Variants in GALNT10 observed in about 807,000 individuals in gnomAD.
GALNT10 encodes GalNAc transferase 10.
GALNT10 carries 41 observed loss-of-function variants against 75.0 expected under a neutral mutation model. The observed-to-expected ratio is 0.55, with a 90% CI of 0.43 to 0.71. The LOEUF (loss-of-function observed/expected upper bound fraction) is 0.71. Among genes scored for constraint, GALNT10 ranks in the 30% least tolerant of loss-of-function variants. The pLI, the probability that GALNT10 is intolerant of heterozygous loss-of-function variation, is 0.00. For missense variants in GALNT10, 727 were observed against 818.5 expected (o/e 0.89, Z 1.36); for synonymous variants, 302 against 313.0 (o/e 0.96, Z 0.37).
intron 4 of GALNT10, among the ~76,000 whole-genome samples, chr5:154,336,304 A>C (rs956858285): frequency 6.6e-6 from 1 of 152,228 alleles, no homozygotes; most frequent in African/African-American, 2.4e-5. Context: ...ATTTGTGTAC[A>C]GGATTTTGTG....
intron 1 of GALNT10, among the ~76,000 whole-genome samples, chr5:154,278,910 T>A (rs1299972461): frequency 1.3e-5 from 2 of 152,232 alleles, no homozygotes; most frequent in African/African-American, 4.8e-5. Flanking sequence ...ATATTCCATT[T>A]TATATATATG....
chr5:154,263,805 T>G (rs935363414), intron 1 of GALNT10, among the ~76,000 whole-genome samples: 2 of 152,112 alleles, frequency 1.3e-5, no homozygotes, highest in Non-Finnish European at 2.9e-5. Context: ...CCTAATACCA[T>G]TACCTTTGGA....
chr5:154,225,364 ATTACAGGCGTGAGCC>A (rs1753046184), intron 1 of GALNT10, among the ~76,000 whole-genome samples: 1 of 148,026 alleles, frequency 6.8e-6, no homozygotes, highest in South Asian at 2.1e-4. Flanking sequence ...AGTGCTGGGG[ATTACAGGCGTGAGCC>A]ACTGCGCCCG....
At chr5:154,271,010 A>G (rs1753853191) in intron 1 of GALNT10, among the ~76,000 whole-genome samples, 1 of 151,490 alleles carries the variant, frequency 6.6e-6, no homozygotes, top group South Asian at 2.1e-4. Context: ...AAAAAAAAAA[A>G]AAGGGATACC....
chr5:154,323,528 T>G (rs1754707983), intron 3 of GALNT10, among the ~76,000 whole-genome samples: 1 of 152,186 alleles, frequency 6.6e-6, no homozygotes, highest in Non-Finnish European at 1.5e-5. Flanking sequence ...GAAAGACTTC[T>G]GTGAGGAGGC....
intron 5 of GALNT10, among the ~76,000 whole-genome samples, chr5:154,378,186 C>T (rs542632044): frequency 1.9e-4 from 29 of 152,326 alleles, no homozygotes; most frequent in Admixed American, 4.6e-4. Context: ...CGCATCATGG[C>T]TTTTGTCTGT....
chr5:154,417,247 T>C lies in GALNT10; in HGVS notation c.*275T>C. ...ACATCACGGAAAAGCAACAGAGCCT[T>C]TTCAACTTTGTCACTATGTCCCCTT... On this transcript the variant is annotated 3_prime_UTR_variant, in exon 12 of 12. Transcript: ENST00000297107. The C allele has an allele frequency of 2.5e-6, 1 of 397,974 alleles. No homozygotes were observed. Among genetic ancestry groups the C allele is most frequent in the Non-Finnish European group, 4.6e-6 (1 of 218,484 alleles). The allele number at this position is 397,974 out of a possible 1,614,324, so 24.7% of individuals were successfully genotyped here.
At chr5:154,230,839 T>G (rs1048792020) in intron 1 of GALNT10, among the ~76,000 whole-genome samples, 1 of 152,236 alleles carries the variant, frequency 6.6e-6, no homozygotes, top group Non-Finnish European at 1.5e-5. Flanking sequence ...GTCACAGTTC[T>G]TATTCTTTCT....
intron 1 of GALNT10, among the ~76,000 whole-genome samples, chr5:154,199,886 A>G (rs1475060120): frequency 6.6e-6 from 1 of 152,234 alleles, no homozygotes; most frequent in African/African-American, 2.4e-5. Flanking sequence ...TAAAATGAGC[A>G]AAGTCATCAC....
chr5:154,246,058 GTT>G (rs1305551755), intron 1 of GALNT10, among the ~76,000 whole-genome samples: 1 of 148,526 alleles, frequency 6.7e-6, no homozygotes, highest in African/African-American at 2.5e-5. Flanking sequence ...AACATGCGGT[GTT>G]TTTTTTTTTG....
chr5:154,307,494 C>T (rs1754451179), intron 3 of GALNT10, among the ~76,000 whole-genome samples: 1 of 151,990 alleles, frequency 6.6e-6, no homozygotes, highest in African/African-American at 2.4e-5. Flanking sequence ...GTGGCAGGCG[C>T]CTGTAGTCCC....
chr5:154,199,019 C>T (rs753284376), intron 1 of GALNT10, among the ~76,000 whole-genome samples: 2 of 152,200 alleles, frequency 1.3e-5, no homozygotes, highest in Non-Finnish European at 2.9e-5. Flanking sequence ...CAGGAACTAA[C>T]CTCTCTCTTG....
intron 1 of GALNT10, among the ~76,000 whole-genome samples, chr5:154,272,255 C>A (rs1307517063): frequency 2.6e-5 from 4 of 152,142 alleles, no homozygotes; most frequent in Admixed American, 2.0e-4. Context: ...CCTGAGGGAG[C>A]CATGCCAATC....
At chr5:154,286,947 G>GTA (rs1277732412) in intron 1 of GALNT10, among the ~76,000 whole-genome samples, 1 of 152,196 alleles carries the variant, frequency 6.6e-6, no homozygotes. Flanking sequence ...TATAGTGAAA[G>GTA]TTAAGTTTTC....
chr5:154,394,494 G>A (rs767096022), intron 7 of GALNT10, among the ~76,000 whole-genome samples: 6 of 152,140 alleles, frequency 3.9e-5, no homozygotes, highest in African/African-American at 1.2e-4. Flanking sequence ...TCCCTCCACC[G>A]GAAGGTGGCA....
chr5:154,254,310 G>T (rs1753573683), intron 1 of GALNT10, among the ~76,000 whole-genome samples: 1 of 152,106 alleles, frequency 6.6e-6, no homozygotes, highest in Non-Finnish European at 1.5e-5. Context: ...GAACTTTGTT[G>T]CTTCTATGGC....
At position 154,411,147 on chromosome 5, in the gene GALNT10, TA is replaced by T. The variant is rs201135046; in HGVS notation, c.1386+1394del. Among the ~76,000 whole-genome samples the T allele has an allele frequency of 6.0e-4, 90 of 150,678 alleles. 1 individual carries two copies. The East Asian group carries it at 0.011, about 19-fold the overall frequency. ...GCTCTTTCAGAAGACCAATTTAAAGTAAAAAAAAATGGGGGGAATATATTGT... is the reference window on the plus strand; with the variant it reads ...GCTCTTTCAGAAGACCAATTTAAAGTAAAAAAAATGGGGGGAATATATTGT... On this transcript the variant is annotated intron_variant, in intron 9 of 11. Coordinates refer to ENST00000297107, the MANE Select transcript of GALNT10 (RefSeq NM_198321.4).
intron 1 of GALNT10, among the ~76,000 whole-genome samples, chr5:154,281,552 C>G (rs945712448): frequency 5.3e-4 from 80 of 152,280 alleles, no homozygotes; most frequent in African/African-American, 1.9e-3. Context: ...AGGGGACCTG[C>G]CTAAGGTCCT....
intron 3 of GALNT10, among the ~76,000 whole-genome samples, chr5:154,306,843 G>A (rs1238311884): frequency 6.6e-6 from 1 of 152,064 alleles, no homozygotes; most frequent in Non-Finnish European, 1.5e-5. Context: ...CAGAAAATCA[G>A]CAAGGATATA....
Sources: allele counts gnomAD v4.1 joint callset (sites outside exome capture counted in the v4.1 genomes callset), GRCh38; gene constraint gnomAD v4.1.1; transcripts MANE v1.5; gene names NCBI Gene and HGNC (gene_info 2026-07-23, HGNC 2026-07-21).